The following DUSP22 variants were observed in gnomAD, a reference collection of about 807,000 sequenced individuals.
DUSP22 encodes dual specificity phosphatase 22, also known as dual specificity protein phosphatase 22.
In DUSP22, 24 loss-of-function variants were observed where a neutral mutation model predicts 24.5. That is an observed-to-expected ratio of 0.98 (90% CI 0.71 to 1.38). DUSP22 has a LOEUF of 1.38. Ranked by LOEUF, DUSP22 falls within the 40% of genes most tolerant of loss-of-function variation. The probability of loss-of-function intolerance (pLI) is 0.00; values close to 1 mark genes in which losing one functional copy is unlikely to be tolerated. For synonymous variants in DUSP22, 160 were observed against 106.4 expected (o/e 1.50, Z -3.10); for missense variants, 330 against 269.2 (o/e 1.23, Z -1.58).
chr6:343,130 C>CAGG (rs1759688271), intron 4 of DUSP22, among the ~76,000 whole-genome samples: 1 of 152,304 alleles, frequency 6.6e-6, no homozygotes, highest in Non-Finnish European at 1.5e-5. Context: ...GGGATTACAG[C>CAGG]AGGAATCCTT....
intron 1 of DUSP22, among the ~76,000 whole-genome samples, chr6:298,393 C>T (rs1268550632): frequency 6.6e-6 from 1 of 152,310 alleles, no homozygotes; most frequent in African/African-American, 2.4e-5. Flanking sequence ...CTGCCACCCC[C>T]ACCCCACACA....
Position 350,062 on chromosome 6 carries a change from T to A in DUSP22, c.*1111T>A. 2 of 985,670 alleles carry A rather than the reference T, an allele frequency of 2.0e-6. No individual in the cohort carries two copies. Among genetic ancestry groups the A allele is most frequent in the Non-Finnish European group, 2.4e-6 (2 of 830,034 alleles). The allele number at this position is 985,670 out of a possible 1,614,324, so 61.1% of individuals were successfully genotyped here. On this transcript the variant is annotated 3_prime_UTR_variant, in exon 7 of 7. Transcript: ENST00000419235. Reference sequence around the variant, plus strand: ...GAGCATTTATTAAGCTTCTTGGTATTCACTTGGGTTTGATAATTGATCTGA... The same window carrying A: ...GAGCATTTATTAAGCTTCTTGGTATACACTTGGGTTTGATAATTGATCTGA...
At chr6:310,162 T>G (rs1420092053) in intron 2 of DUSP22, among the ~76,000 whole-genome samples, 2 of 152,298 alleles carry the variant, frequency 1.3e-5, no homozygotes, top group East Asian at 3.8e-4. Flanking sequence ...GGTTTCGCCG[T>G]GGTGACCAGG....
intron 3 of DUSP22, among the ~76,000 whole-genome samples, chr6:316,367 C>T (rs1758335694): frequency 6.6e-6 from 1 of 152,308 alleles, no homozygotes; most frequent in Non-Finnish European, 1.5e-5. Flanking sequence ...AGAAAGTAAG[C>T]CCAGACCTGT....
intron 3 of DUSP22, among the ~76,000 whole-genome samples, chr6:321,325 T>C (rs1327151128): frequency 2.0e-5 from 3 of 152,306 alleles, no homozygotes; most frequent in Non-Finnish European, 4.4e-5. Flanking sequence ...CTGTGGAGTC[T>C]GAACTTCATC....
intron 3 of DUSP22, among the ~76,000 whole-genome samples, chr6:317,083 G>A (rs1370120343): frequency 6.6e-6 from 1 of 152,304 alleles, no homozygotes; most frequent in Non-Finnish European, 1.5e-5. Flanking sequence ...AAGTGTTGAT[G>A]CCAAGACTTT....
At chr6:313,920 C>T (rs1758220840) in intron 3 of DUSP22, among the ~76,000 whole-genome samples, 1 of 152,308 alleles carries the variant, frequency 6.6e-6, no homozygotes, top group African/African-American at 2.4e-5. Context: ...AGTTCCAAAT[C>T]TTTGTTTAGC....
intron 3 of DUSP22, among the ~76,000 whole-genome samples, chr6:315,703 C>T (rs1019945724): frequency 6.6e-5 from 10 of 152,422 alleles, no homozygotes; most frequent in Admixed American, 3.9e-4. Flanking sequence ...TGCAAATACC[C>T]TCTTCACACA....
intron 3 of DUSP22, among the ~76,000 whole-genome samples, chr6:319,602 A>G (rs1196728530): frequency 6.6e-6 from 1 of 152,310 alleles, no homozygotes; most frequent in Non-Finnish European, 1.5e-5. Context: ...AGCACTGGGC[A>G]AGATTTCCCA....
In DUSP22 at chr6:306,330, G is replaced by T. The variant is rs552378838; in HGVS notation, c.55+1669G>T. Among the ~76,000 whole-genome samples the T allele has an allele frequency of 4.6e-5, 7 of 152,418 alleles. No homozygotes were observed. The South Asian group carries it at 1.4e-3, about 32-fold the overall frequency. On this transcript the variant is annotated intron_variant, in intron 2 of 6. Transcript: ENST00000419235. ...CTGACAACAGTATGTGAGAGTTTTAGCCTTAATCATGAAAGGTTACTTTTT... is the reference window on the plus strand; with the variant it reads ...CTGACAACAGTATGTGAGAGTTTTATCCTTAATCATGAAAGGTTACTTTTT...
At chr6:304,265 C>T (rs1311590200) in intron 1 of DUSP22, among the ~76,000 whole-genome samples, 1 of 152,308 alleles carries the variant, frequency 6.6e-6, no homozygotes, top group Non-Finnish European at 1.5e-5. Flanking sequence ...GCAGTGGGCA[C>T]CGTGTGTGCA....
chr6:325,654 T>C, intron 3 of DUSP22: 1 of 226,130 alleles, frequency 4.4e-6, no homozygotes, highest in Non-Finnish European at 8.3e-6. Flanking sequence ...GGCTTCTGCA[T>C]CCTCGTGTGT....
intron 1 of DUSP22, among the ~76,000 whole-genome samples, chr6:299,823 G>A (rs939585174): frequency 1.1e-4 from 17 of 152,296 alleles, no homozygotes; most frequent in African/African-American, 3.1e-4. Context: ...GCACCGTTTC[G>A]CATGTGGAAG....
intron 3 of DUSP22, among the ~76,000 whole-genome samples, chr6:329,692 C>T (rs1398439797): frequency 1.3e-5 from 2 of 152,308 alleles, no homozygotes; most frequent in Non-Finnish European, 2.9e-5. Flanking sequence ...GACCTCGTGG[C>T]TCACCTGCCT....
intron 3 of DUSP22, 66 bp downstream of exon 3, chr6:312,028 T>C: frequency 1.3e-6 from 2 of 1,527,510 alleles, no homozygotes; most frequent in South Asian, 1.2e-5. Flanking sequence ...ACCTACGACG[T>C]TAATGAAGGC....
chr6:350,206 A>G lies in DUSP22; in HGVS notation c.*1255A>G, dbSNP rs1675244910. 3 of 987,604 alleles carry G rather than the reference A, an allele frequency of 3.0e-6. No homozygotes were observed. The highest frequency in any genetic ancestry group is 4.7e-5 in the South Asian group (1 of 21,412). The allele number at this position is 987,604 out of a possible 1,614,324, so 61.2% of individuals were successfully genotyped here. A position where few individuals can be genotyped will look rare whatever the true frequency, so the allele number is the denominator to read the frequency against. On this transcript the variant is annotated 3_prime_UTR_variant, in exon 7 of 7. Transcript: ENST00000419235. ...AACCAAAGGGGAAGGTACCGATATCATTGAGCTATTTAAAGTTGCCAGTTT... is the reference window on the plus strand; with the variant it reads ...AACCAAAGGGGAAGGTACCGATATCGTTGAGCTATTTAAAGTTGCCAGTTT...
intron 4 of DUSP22, among the ~76,000 whole-genome samples, chr6:344,989 G>A (rs1035756243): frequency 1.2e-4 from 19 of 152,410 alleles, no homozygotes; most frequent in Middle Eastern, 3.4e-3. Context: ...CATGGGGGGC[G>A]CCGTCCAGAA....
At chr6:312,033 GAA>G in intron 3 of DUSP22, 71 bp downstream of exon 3, 1 of 54,070 alleles carries the variant, frequency 1.8e-5, no homozygotes, top group Non-Finnish European at 2.8e-5. Flanking sequence ...CGACGTTAAT[GAA>G]GGCAACCAGG....
intron 4 of DUSP22, among the ~76,000 whole-genome samples, chr6:343,196 A>G (rs1260743394): frequency 6.6e-6 from 1 of 152,306 alleles, no homozygotes; most frequent in Non-Finnish European, 1.5e-5. Flanking sequence ...GTATTCTGCT[A>G]CTCATGGCCA....
Sources: gnomAD v4.1 joint callset for allele counts (sites outside exome capture counted in the v4.1 genomes callset) on GRCh38, gnomAD v4.1.1 for gene constraint, MANE v1.5 for transcripts, NCBI Gene and HGNC (gene_info 2026-07-23, HGNC 2026-07-21) for gene names.